ZBTB8A: variants seen among roughly 807,000 people sequenced by gnomAD.
ZBTB8A encodes zinc finger and BTB domain-containing protein 8A.
A neutral mutation model predicts 37.8 loss-of-function variants in ZBTB8A; 19 were observed. The ratio of observed to expected loss-of-function variants is 0.50; its 90% confidence interval spans 0.35 to 0.74. ZBTB8A has a LOEUF of 0.74. ZBTB8A is among the 30% of genes least tolerant of loss of function. The pLI is 0.01. For synonymous variants in ZBTB8A, 181 were observed against 185.2 expected, an observed-to-expected ratio of 0.98 and a Z score of 0.19; for missense variants, 394 against 537.8, an observed-to-expected ratio of 0.73 and a Z score of 2.65.
chr1:32,600,649 T>A lies in ZBTB8A; in HGVS notation c.*230T>A. On this transcript the variant is annotated 3_prime_UTR_variant, in exon 5 of 5. Transcript: ENST00000373510. ...AAAGAACTAGCTTGAGTTGGCTTGA[T>A]GGATGAACAATTATCCTCTTACTTT... 2.1e-6 allele frequency: 1 copy of A among 468,916 alleles called. No homozygotes were observed. The highest frequency in any genetic ancestry group is 3.8e-5 in the Admixed American group (1 of 26,372). The allele number at this position is 468,916 out of a possible 1,614,324, so 29.0% of individuals were successfully genotyped here.
chr1:32,551,771 C>G (rs1241297648), intron 1 of ZBTB8A, among the ~76,000 whole-genome samples: 1 of 152,128 alleles, frequency 6.6e-6, no homozygotes, highest in Non-Finnish European at 1.5e-5. Flanking sequence ...ATAGGTCTCA[C>G]TATGTTCCCT....
At chr1:32,573,797 G>T (rs1644340953) in intron 2 of ZBTB8A, among the ~76,000 whole-genome samples, 1 of 144,518 alleles carries the variant, frequency 6.9e-6, no homozygotes, top group Non-Finnish European at 1.5e-5. Flanking sequence ...TTTCCTGGCC[G>T]GGCGCAGTGG....
intron 2 of ZBTB8A, among the ~76,000 whole-genome samples, chr1:32,579,088 T>A (rs942318745): frequency 6.6e-6 from 1 of 152,110 alleles, no homozygotes; most frequent in African/African-American, 2.4e-5. Context: ...ATATTACTCT[T>A]CCAGGGTCTC....
At chr1:32,539,664 C>T (rs1443878519) in intron 1 of ZBTB8A, 92 bp downstream of exon 1, 7 of 13,188 alleles carry the variant, frequency 5.3e-4, no homozygotes, top group Non-Finnish European at 1.3e-3. Flanking sequence ...TCTGACGGCC[C>T]GGGCGGCGGC....
intron 2 of ZBTB8A, among the ~76,000 whole-genome samples, chr1:32,586,813 A>G (rs1454406486): frequency 6.6e-6 from 1 of 152,114 alleles, no homozygotes; most frequent in Non-Finnish European, 1.5e-5. Flanking sequence ...CTTTTAGGTT[A>G]TGAGAAGAAC....
intron 2 of ZBTB8A, among the ~76,000 whole-genome samples, chr1:32,584,500 C>A (rs954965661): frequency 1.4e-5 from 2 of 138,416 alleles, no homozygotes; most frequent in Non-Finnish European, 3.1e-5. Flanking sequence ...TTTTTTCTTT[C>A]TTTCTTTCTT....
rs1303531276 is a variant in ZBTB8A at position 32,539,726 on chromosome 1, G to T, written c.-84+154G>T. Among the ~76,000 whole-genome samples, 12 of 146,552 alleles carry T rather than the reference G, an allele frequency of 8.2e-5. No individual in the cohort carries two copies. The East Asian group carries it at 2.4e-3, about 29-fold the overall frequency. ...GCCTCCCCCAGACGTCCCCGGGCCG[G>T]GAGCGCGGCGGGAGGCGCCCGGGAG... On this transcript the variant is annotated intron_variant, in intron 1 of 4. Transcript: ENST00000373510.
intron 2 of ZBTB8A, among the ~76,000 whole-genome samples, chr1:32,587,780 T>C (rs762931984): frequency 8.5e-5 from 13 of 152,070 alleles, no homozygotes; most frequent in Non-Finnish European, 1.6e-4. Flanking sequence ...TGGCAGCCTC[T>C]AGGTAGCTTC....
chr1:32,596,313 T>C (rs1441734104), intron 4 of ZBTB8A, among the ~76,000 whole-genome samples: 1 of 148,542 alleles, frequency 6.7e-6, no homozygotes, highest in African/African-American at 2.5e-5. Context: ...GAGCTTGCAG[T>C]GAGCCGAGAT....
At position 32,604,673 on chromosome 1, in the gene ZBTB8A, T is replaced by G. The variant is rs533461455; in HGVS notation, c.*4254T>G. The G allele has an allele frequency of 6.6e-6, 1 of 152,338 alleles. No individual in the cohort carries two copies. Among genetic ancestry groups the G allele is most frequent in the African/African-American group, 2.4e-5 (1 of 41,572 alleles). The allele number at this position is 152,338 out of a possible 1,614,324, so 9.4% of individuals were successfully genotyped here. ...TACTGTTTTCTGTACGGCTAAGTAC[T>G]GCCTAATGGATGAAAGAAGTTTGGT... On this transcript the variant is annotated 3_prime_UTR_variant, in exon 5 of 5. Transcript: ENST00000373510.
chr1:32,585,711 GTTAC>G (rs1042274306), intron 2 of ZBTB8A, among the ~76,000 whole-genome samples: 3 of 152,098 alleles, frequency 2.0e-5, no homozygotes, highest in African/African-American at 7.3e-5. Flanking sequence ...TGAAAAAAAT[GTTAC>G]TTGAAGCCAG....
chr1:32,547,828 C>CAAAAAAAAAAAAAAAAAA (rs1194254576), intron 1 of ZBTB8A, among the ~76,000 whole-genome samples: 9 of 30,476 alleles, frequency 3.0e-4, no homozygotes, highest in Non-Finnish European at 4.2e-4. Flanking sequence ...ACAAACAAAG[C>CAAAAAAAAAAAAAAAAAA]AAAAAAAAAA....
At chr1:32,541,230 C>T (rs1014477984) in intron 1 of ZBTB8A, among the ~76,000 whole-genome samples, 1 of 152,164 alleles carries the variant, frequency 6.6e-6, no homozygotes, top group African/African-American at 2.4e-5. Context: ...GTTTAAAAGC[C>T]AAAAGCTCCA....
At chr1:32,567,341 G>A (rs954487219) in intron 2 of ZBTB8A, among the ~76,000 whole-genome samples, 1 of 152,136 alleles carries the variant, frequency 6.6e-6, no homozygotes, top group Non-Finnish European at 1.5e-5. Flanking sequence ...TAACACTGGG[G>A]ATTACAATTC....
intron 2 of ZBTB8A, among the ~76,000 whole-genome samples, chr1:32,585,034 T>C (rs1644436658): frequency 7.0e-6 from 1 of 142,300 alleles, no homozygotes; most frequent in Admixed American, 7.6e-5. Flanking sequence ...TTTCTTTTTT[T>C]TTTTTTTTTT....
In ZBTB8A at chr1:32,591,314, G is replaced by A. The variant is rs986264589; in HGVS notation, c.-1-1617G>A. ...CAGCCTTCACCCCCTGGGCTCAAGT[G>A]ATCCTCCTGCTTCAGCCTCCCAAGG... is the stretch of plus-strand genomic sequence containing the variant. On this transcript the variant is annotated intron_variant, in intron 2 of 4. Transcript: ENST00000373510. 3.3e-5 allele frequency among the ~76,000 whole-genome samples: 5 copies of A among 151,298 alleles called. No homozygotes were observed. The East Asian group carries it at 9.7e-4, about 29-fold the overall frequency.
chr1:32,556,104 C>A (rs6692878), intron 2 of ZBTB8A, among the ~76,000 whole-genome samples: 17,136 of 151,328 alleles, frequency 0.11, 1,066 homozygotes, highest in African/African-American at 0.18. Flanking sequence ...GACAGAGTCT[C>A]ACTCTGTCCC....
At chr1:32,584,299 T>A (rs940629380) in intron 2 of ZBTB8A, among the ~76,000 whole-genome samples, 4 of 152,264 alleles carry the variant, frequency 2.6e-5, no homozygotes, top group Non-Finnish European at 5.9e-5. Flanking sequence ...AAAATTATAT[T>A]TTTTTAAGTT....
intron 2 of ZBTB8A, among the ~76,000 whole-genome samples, chr1:32,592,006 C>A (rs12134562): frequency 6.6e-6 from 1 of 152,006 alleles, no homozygotes; most frequent in Non-Finnish European, 1.5e-5. Context: ...CCATGCCCAG[C>A]TAATTTTTGT....
Sources: allele counts gnomAD v4.1 joint callset (sites outside exome capture counted in the v4.1 genomes callset), GRCh38; gene constraint gnomAD v4.1.1; transcripts MANE v1.5; gene names NCBI Gene and HGNC (gene_info 2026-07-23, HGNC 2026-07-21).